Variants in PLXNA4 observed in about 807,000 individuals in gnomAD.
The protein encoded by PLXNA4 is plexin A4, also known as plexin-A4.
Under a neutral mutation model 191.8 loss-of-function variants are expected in PLXNA4, and 44 were observed. The ratio of observed to expected loss-of-function variants is 0.23; its 90% CI spans 0.18 to 0.29. The LOEUF is 0.29. Ranked by LOEUF, PLXNA4 falls within the 10% of genes least tolerant of loss-of-function variation. PLXNA4 has a pLI of 1.00. For missense variants in PLXNA4, 1,800 were observed against 2,488.8 expected (o/e 0.72, Z 5.89); for synonymous variants, 1,082 against 1,009.5 (o/e 1.07, Z -1.36).
chr7:132,164,374 C>A, intron 23 of PLXNA4, 86 bp from the exon 24 acceptor site: 1 of 1,539,976 alleles, frequency 6.5e-7, no homozygotes, highest in Non-Finnish European at 8.8e-7. Context: ...GGGCTGCTTC[C>A]ATCCCCTGCC....
At chr7:132,458,005 G>A (rs192649458) in intron 3 of PLXNA4, among the ~76,000 whole-genome samples, 31 of 152,238 alleles carry the variant, frequency 2.0e-4, no homozygotes, top group African/African-American at 2.6e-4. Flanking sequence ...CATTTGTGTC[G>A]TTTGAAGCCA....
chr7:132,347,222 A>C (rs1803278491), intron 3 of PLXNA4, among the ~76,000 whole-genome samples: 1 of 152,232 alleles, frequency 6.6e-6, no homozygotes, highest in Admixed American at 6.5e-5. Flanking sequence ...AAAAGGAGAC[A>C]CAGAGGGCAA....
chr7:132,558,522 ATTT>A (rs1362511561), intron 1 of PLXNA4, among the ~76,000 whole-genome samples: 1 of 152,224 alleles, frequency 6.6e-6, no homozygotes, highest in Non-Finnish European at 1.5e-5. Context: ...TAATTAGTTT[ATTT>A]TTAAGTATTT....
intron 3 of PLXNA4, among the ~76,000 whole-genome samples, chr7:132,391,408 G>A (rs944900388): frequency 1.1e-4 from 16 of 152,252 alleles, no homozygotes; most frequent in Non-Finnish European, 1.9e-4. Flanking sequence ...GTGCTGATAT[G>A]TTCTAATTAC....
At chr7:132,288,903 T>C (rs1329035538) in intron 4 of PLXNA4, among the ~76,000 whole-genome samples, 1 of 152,102 alleles carries the variant, frequency 6.6e-6, no homozygotes, top group Non-Finnish European at 1.5e-5. Context: ...CCTCAGAACA[T>C]CCTGGGAGGC....
At chr7:132,169,324 C>T (rs1796215436) in intron 21 of PLXNA4, among the ~76,000 whole-genome samples, 1 of 152,198 alleles carries the variant, frequency 6.6e-6, no homozygotes, top group Non-Finnish European at 1.5e-5. Flanking sequence ...CAAGGGTGTA[C>T]CATTCACTCA....
intron 3 of PLXNA4, among the ~76,000 whole-genome samples, chr7:132,469,483 A>G (rs1796848621): frequency 1.3e-5 from 2 of 152,188 alleles, no homozygotes; most frequent in South Asian, 4.1e-4. Flanking sequence ...TCAGCTGATG[A>G]TTCACCTGGT....
At chr7:132,294,334 G>A (rs532281838) in intron 4 of PLXNA4, among the ~76,000 whole-genome samples, 6 of 152,226 alleles carry the variant, frequency 3.9e-5, no homozygotes, top group African/African-American at 7.2e-5. Context: ...ACTCTCTCCC[G>A]CCCTGGCCCT....
intron 3 of PLXNA4, among the ~76,000 whole-genome samples, chr7:132,323,099 A>T (rs1014376520): frequency 5.6e-4 from 85 of 152,250 alleles, no homozygotes; most frequent in African/African-American, 1.6e-3. Context: ...TGGGGGAGAG[A>T]CTCATAACTC....
At chr7:132,176,981 G>A (rs984089121) in intron 20 of PLXNA4, among the ~76,000 whole-genome samples, 11 of 152,284 alleles carry the variant, frequency 7.2e-5, no homozygotes, top group African/African-American at 2.4e-4. Flanking sequence ...GAGTGTGCAT[G>A]CATGTGTGCA....
intron 1 of PLXNA4, among the ~76,000 whole-genome samples, chr7:132,515,389 T>G (rs892592889): frequency 1.3e-5 from 2 of 152,104 alleles, no homozygotes; most frequent in Non-Finnish European, 2.9e-5. Flanking sequence ...CAAAAAAAAT[T>G]TTTCCCCTTT....
intron 13 of PLXNA4, among the ~76,000 whole-genome samples, chr7:132,197,251 A>T (rs1377833539): frequency 6.6e-6 from 1 of 152,104 alleles, no homozygotes; most frequent in Non-Finnish European, 1.5e-5. Context: ...TGGAATAAGG[A>T]TCTGCTATTG....
At chr7:132,432,900 C>T (rs890138215) in intron 3 of PLXNA4, among the ~76,000 whole-genome samples, 8 of 152,064 alleles carry the variant, frequency 5.3e-5, no homozygotes, top group Admixed American at 3.3e-4. Flanking sequence ...ATTTTTTTCC[C>T]GCAGCATCTC....
chr7:132,647,263 TCA>T (rs1310671175), intron 1 of PLXNA4, among the ~76,000 whole-genome samples: 1 of 133,438 alleles, frequency 7.5e-6, no homozygotes, highest in African/African-American at 2.9e-5. Flanking sequence ...AGACATGCAG[TCA>T]CACATATATA....
chr7:132,508,510 G>T lies in PLXNA4; in HGVS notation c.184C>A (p.His62Asn). 1 of 1,614,164 alleles carries T rather than the reference G, an allele frequency of 6.2e-7. No individual in the cohort carries two copies. The highest frequency in any genetic ancestry group is 8.5e-7 in the Non-Finnish European group (1 of 1,180,028). ...NHLVVDERTG[H>N]IYLGAVNRIY... ...CGATTGACGGCCCCCAAGTAAATGT[G>T]TCCTGTCCTCTCATCCACCACCAGG... Residue 62 changes from histidine to asparagine, a missense_variant, in exon 2 of 32, where the codon CAC becomes AAC. His to Asn is a moderately conservative substitution (Grantham distance 68). This residue lies in a region of PLXNA4 where 1,397 missense variants were observed against 1,880.4 expected (regional missense o/e 0.74). Coordinates refer to ENST00000321063, the MANE Select transcript of PLXNA4 (RefSeq NM_020911.2). This position sits in a 1 kb window ranked among gnomAD's most constrained non-coding sequence, Gnocchi z 4.4.
At chr7:132,500,523 G>T (rs558461113) in intron 2 of PLXNA4, among the ~76,000 whole-genome samples, 1 of 152,212 alleles carries the variant, frequency 6.6e-6, no homozygotes, top group South Asian at 2.1e-4. Flanking sequence ...GGCAGCTGGA[G>T]CACATCCTAG....
chr7:132,432,796 T>C (rs1563095550), intron 3 of PLXNA4, among the ~76,000 whole-genome samples: 1 of 152,232 alleles, frequency 6.6e-6, no homozygotes, highest in African/African-American at 2.4e-5. Context: ...ATTTATCGTA[T>C]AGACAAAGCC....
In PLXNA4 at chr7:132,561,009, T is replaced by A. The variant is rs145365122; in HGVS notation, c.-87+15413A>T. ...TTGCTACAGTACAAATCTGGTCTTG[T>A]TGATTCTCTTCCTTGGAGATCGCCA... is the stretch of plus-strand genomic sequence containing the variant. On this transcript the variant is annotated intron_variant, in intron 1 of 31. Transcript: ENST00000321063. 6.0e-4 allele frequency among the ~76,000 whole-genome samples: 91 copies of A among 152,218 alleles called. 1 individual carries two copies. Among genetic ancestry groups the A allele is most frequent in the African/African-American group, 2.0e-3 (85 of 41,532 alleles).
At chr7:132,361,621 C>A (rs1424352143) in intron 3 of PLXNA4, among the ~76,000 whole-genome samples, 1 of 152,092 alleles carries the variant, frequency 6.6e-6, no homozygotes, top group East Asian at 1.9e-4. Flanking sequence ...GAGAGTGGGG[C>A]AGAAGGAGGA....
Sources: gnomAD v4.1 joint callset for allele counts (sites outside exome capture counted in the v4.1 genomes callset) on GRCh38, gnomAD v4.1.1 for gene constraint, gnomAD v4.1.1 regional missense constraint, Gnocchi (gnomAD v3.1) non-coding constraint, MANE v1.5 for transcripts, NCBI Gene and HGNC (gene_info 2026-07-23, HGNC 2026-07-21) for gene names.